Variants in LRP5 observed in about 807,000 individuals in gnomAD.
The protein encoded by LRP5 is low-density lipoprotein receptor-related protein 5.
LRP5 carries 62 observed loss-of-function variants against 154.1 expected under a neutral mutation model. The ratio of observed to expected loss-of-function variants is 0.40; its 90% CI spans 0.33 to 0.50. LRP5 has a LOEUF of 0.50. Ranked by LOEUF, LRP5 falls within the 20% of genes least tolerant of loss-of-function variation. The probability of loss-of-function intolerance (pLI) is 0.55; values close to 1 mark genes in which losing one functional copy is unlikely to be tolerated. For synonymous variants in LRP5, 966 were observed against 1,011.5 expected (o/e 0.96, Z 0.85); for missense variants, 1,915 against 2,336.7 (o/e 0.82, Z 3.72).
intron 16 of LRP5, among the ~76,000 whole-genome samples, chr11:68,429,124 A>AT: frequency 6.9e-6 from 1 of 145,530 alleles, no homozygotes; most frequent in African/African-American, 2.5e-5. Context: ...ATGGTGGTGC[A>AT]TGCCTGTAGT....
chr11:68,380,079 G>A (rs993603952), intron 5 of LRP5, among the ~76,000 whole-genome samples: 2 of 152,232 alleles, frequency 1.3e-5, no homozygotes, highest in African/African-American at 2.4e-5. Context: ...GTTACAGTGA[G>A]TCGAGATCGC....
chr11:68,370,959 TG>T (rs747521693), intron 5 of LRP5, among the ~76,000 whole-genome samples: 4 of 152,134 alleles, frequency 2.6e-5, no homozygotes, highest in Non-Finnish European at 4.4e-5. Flanking sequence ...CATGAGGACG[TG>T]AGCGTTTCAG....
chr11:68,449,047 TC>T lies in LRP5; in HGVS notation c.4830del (p.Cys1611AlafsTer20). 6.4e-7 allele frequency: 1 copy of T among 1,573,796 alleles called. No individual in the cohort carries two copies. Among genetic ancestry groups the T allele is most frequent in the Non-Finnish European group, 8.6e-7 (1 of 1,163,156 alleles). ...SYFHLFPPPP[S>X]PCTDSS is the part of the protein sequence containing the mutation. Reference sequence around the variant, plus strand: ...CTTCCATCTCTTCCCGCCCCCTCCGTCCCCCTGCACGGACTCATCCTGACCT... The same window carrying T: ...CTTCCATCTCTTCCCGCCCCCTCCGTCCCCTGCACGGACTCATCCTGACCT... On this transcript the variant is annotated frameshift_variant, in exon 23 of 23. Coordinates refer to ENST00000294304, the MANE Select transcript of LRP5 (RefSeq NM_002335.4). LOFTEE classifies it high-confidence loss of function.
chr11:68,394,706 C>T (rs1047536676), intron 7 of LRP5, among the ~76,000 whole-genome samples: 7 of 152,124 alleles, frequency 4.6e-5, no homozygotes, highest in South Asian at 2.1e-4. Context: ...CCTCATGATC[C>T]GCCCGTCTCG....
chr11:68,407,888 G>C (rs932715499), intron 9 of LRP5, among the ~76,000 whole-genome samples: 1 of 152,120 alleles, frequency 6.6e-6, no homozygotes, highest in African/African-American at 2.4e-5. Flanking sequence ...AAGCGCATCT[G>C]TTTATGGATT....
At chr11:68,312,097 T>C (rs1255126422), upstream of LRP5, among the ~76,000 whole-genome samples, 1 of 152,166 alleles carries the variant, frequency 6.6e-6, no homozygotes, top group Non-Finnish European at 1.5e-5. Flanking sequence ...ATAACTAAGG[T>C]AGAGGGTACA....
intron 12 of LRP5, among the ~76,000 whole-genome samples, chr11:68,415,515 GCGGGCAGAT>G (rs1014217807): frequency 1.3e-5 from 2 of 152,142 alleles, no homozygotes; most frequent in Admixed American, 6.6e-5. Context: ...GGAGGCTGAG[GCGGGCAGAT>G]CACCTGAGGT....
intron 16 of LRP5, among the ~76,000 whole-genome samples, chr11:68,427,306 C>T (rs2098669339): frequency 6.6e-6 from 1 of 152,128 alleles, no homozygotes. Flanking sequence ...CCTTCCTCCC[C>T]TCCATGGTAA....
rs748487092 is a variant in LRP5 at position 68,403,491 on chromosome 11, T to G, written c.1593T>G (p.Asn531Lys). 1 of 1,613,980 alleles carries G rather than the reference T, an allele frequency of 6.2e-7. No homozygotes were observed. The highest frequency in any genetic ancestry group is 1.3e-5 in the African/African-American group (1 of 75,010). The change falls in exon 8 of 23, where the codon AAT (asparagine) becomes AAG (lysine). Residue 531 changes from asparagine (N) to lysine (K), a missense_variant. Coordinates refer to ENST00000294304, the MANE Select transcript of LRP5 (RefSeq NM_002335.4). Reference protein sequence around the residue: ...DAKTDKIEVINVDGTKRRTLL... With the variant: ...DAKTDKIEVIKVDGTKRRTLL... Reference sequence around the variant, plus strand: ...TTTCTGCCGTCCTGCAGGTGATCAATGTTGATGGGACGAAGAGGCGGACCC... The same window carrying G: ...TTTCTGCCGTCCTGCAGGTGATCAAGGTTGATGGGACGAAGAGGCGGACCC...
At chr11:68,443,583 ATATTTTTTTT>A (rs1485223950) in intron 21 of LRP5, among the ~76,000 whole-genome samples, 4 of 33,070 alleles carry the variant, frequency 1.2e-4, no homozygotes, top group East Asian at 8.9e-4. Context: ...ATATATATAT[ATATTTTTTTT>A]TTTTTTGGTT....
chr11:68,301,643 G>A, the LRP5 span, among the ~76,000 whole-genome samples: 1 of 144,820 alleles, frequency 6.9e-6, no homozygotes, highest in South Asian at 2.1e-4. Context: ...TTTTTTTTGA[G>A]ATGGAGTTTC....
At position 68,403,467 on chromosome 11, in the gene LRP5, T is replaced by G; in HGVS notation, c.1585-16T>G. On this transcript the variant is annotated splice_polypyrimidine_tract_variant and intron_variant, in intron 7 of 22. Transcript: ENST00000294304. The stretch of plus-strand genomic sequence containing the variant: ...GGCCCTGGCCCATCCAGACCTATAT[T>G]TCTGCCGTCCTGCAGGTGATCAATG... 1 of 1,612,452 alleles carries G rather than the reference T, an allele frequency of 6.2e-7. No individual in the cohort carries two copies. Among genetic ancestry groups the G allele is most frequent in the Non-Finnish European group, 8.5e-7 (1 of 1,178,656 alleles).
intron 1 of LRP5, among the ~76,000 whole-genome samples, chr11:68,326,173 G>T (rs1167642143): frequency 1.3e-5 from 2 of 152,226 alleles, no homozygotes; most frequent in Non-Finnish European, 2.9e-5. Flanking sequence ...TGGGCTCTAG[G>T]AGTCTGGGGG....
At chr11:68,338,223 G>C (rs1453726501) in intron 1 of LRP5, among the ~76,000 whole-genome samples, 1 of 152,190 alleles carries the variant, frequency 6.6e-6, no homozygotes, top group Non-Finnish European at 1.5e-5. Flanking sequence ...GTAATGCTTG[G>C]TGAATATATA....
Position 68,364,356 on chromosome 11 carries a change from A to ATGTGTGTGTG in LRP5, c.883+414_883+415insGTGTGTGTGT, listed in dbSNP as rs201962983. Among the ~76,000 whole-genome samples, 366 of 127,478 alleles carry ATGTGTGTGTG rather than the reference A, an allele frequency of 2.9e-3. 1 individual carries two copies. The highest frequency in any genetic ancestry group is 3.8e-3 in the Middle Eastern group (1 of 266). The allele number at this position is 127,478 out of a possible 152,430, so 83.6% of individuals were successfully genotyped here. A position where few individuals can be genotyped will look rare whatever the true frequency, so the allele number is the denominator to read the frequency against. On this transcript the variant is annotated intron_variant, in intron 4 of 22. Transcript: ENST00000294304. ...TATATGGTTATTTATATATACATATATATGTGTGTGTGTGTGTGTGTGTGT... is the reference window on the plus strand; with the variant it reads ...TATATGGTTATTTATATATACATATATGTGTGTGTGTATGTGTGTGTGTGTGTGTGTGTGT...
At position 68,406,738 on chromosome 11, in the gene LRP5, G is replaced by T; in HGVS notation, c.2016G>T (p.Thr672=). The T allele has an allele frequency of 6.2e-7, 1 of 1,614,082 alleles. No homozygotes were observed. Among genetic ancestry groups the T allele is most frequent in the Non-Finnish European group, 8.5e-7 (1 of 1,180,018 alleles). ...ACAACGACGTGGCCATCCCGCTCACGGGCGTCAAGGAGGCCTCAGCCCTGG... is the reference window on the plus strand; with the variant it reads ...ACAACGACGTGGCCATCCCGCTCACTGGCGTCAAGGAGGCCTCAGCCCTGG... The part of the protein sequence containing the change: ...TNNNDVAIPL[T]GVKEASALDF... Residue 672 remains threonine (T), a synonymous_variant, in exon 9 of 23, where the codon ACG becomes ACT. Transcript: ENST00000294304.
chr11:68,376,343 G>A lies in LRP5; in HGVS notation c.1016-9973G>A, dbSNP rs540141347. On this transcript the variant is annotated intron_variant, in intron 5 of 22. Transcript: ENST00000294304. ...ACTATAGGCACCCGCCACCACACTC[G>A]GCTTATTTTTTGTATTTTTAGTAGA... 2.2e-4 allele frequency among the ~76,000 whole-genome samples: 34 copies of A among 152,050 alleles called. 1 individual carries two copies. The South Asian group carries it at 6.6e-3, about 30-fold the overall frequency.
intron 1 of LRP5, among the ~76,000 whole-genome samples, chr11:68,342,510 G>A (rs927776788): frequency 2.5e-4 from 38 of 152,232 alleles, no homozygotes; most frequent in Non-Finnish European, 4.4e-5. Context: ...CCCATTTGCT[G>A]TGGACCCTGG....
chr11:68,379,994 G>A (rs372593103), intron 5 of LRP5, among the ~76,000 whole-genome samples: 12 of 152,336 alleles, frequency 7.9e-5, no homozygotes, highest in Non-Finnish European at 1.0e-4. Context: ...TTAGCCAGGC[G>A]TGGTGGCGGG....
Sources: gnomAD v4.1 joint callset for allele counts (sites outside exome capture counted in the v4.1 genomes callset) on GRCh38, gnomAD v4.1.1 for gene constraint, MANE v1.5 for transcripts, NCBI Gene and HGNC (gene_info 2026-07-23, HGNC 2026-07-21) for gene names.